The following PDE7B variants were observed in gnomAD, a reference collection of about 807,000 sequenced individuals.
PDE7B encodes phosphodiesterase 7B.
In PDE7B, 29 loss-of-function variants were observed where a neutral mutation model predicts 56.2. The ratio of observed to expected loss-of-function variants is 0.52; its 90% confidence interval spans 0.38 to 0.70. The LOEUF (loss-of-function observed/expected upper bound fraction) is 0.70, where lower values mean the gene tolerates loss of function less well. PDE7B is among the 30% of genes least tolerant of loss of function. The probability of loss-of-function intolerance (pLI) is 0.00; values close to 1 mark genes in which losing one functional copy is unlikely to be tolerated. For missense variants in PDE7B, 490 were observed against 565.0 expected (o/e 0.87, Z 1.35); for synonymous variants, 197 against 196.9 (o/e 1.00, Z 0.00).
At chr6:135,940,701 G>A (rs1774493138) in intron 1 of PDE7B, among the ~76,000 whole-genome samples, 1 of 152,200 alleles carries the variant, frequency 6.6e-6, no homozygotes, top group East Asian at 1.9e-4. Flanking sequence ...GTTTGGAAAT[G>A]TCATCTCAAT....
chr6:136,002,512 C>T (rs1019381273), intron 2 of PDE7B, among the ~76,000 whole-genome samples: 3 of 152,026 alleles, frequency 2.0e-5, no homozygotes, highest in African/African-American at 7.2e-5. Flanking sequence ...GAAGATCTAC[C>T]AAGCAAATGG....
At chr6:136,191,166 G>A (rs1779218786) in intron 12 of PDE7B, among the ~76,000 whole-genome samples, 1 of 152,052 alleles carries the variant, frequency 6.6e-6, no homozygotes, top group Non-Finnish European at 1.5e-5. Flanking sequence ...TACGAGTTTA[G>A]TATTCTCTTT....
intron 2 of PDE7B, among the ~76,000 whole-genome samples, chr6:136,025,199 C>T (rs941672940): frequency 4.6e-5 from 7 of 152,200 alleles, no homozygotes; most frequent in Admixed American, 6.5e-5. Flanking sequence ...ATTCAGCATG[C>T]ACTGTGATTT....
intron 1 of PDE7B, among the ~76,000 whole-genome samples, chr6:135,935,190 T>TTATATATATATATATATAAATATATATA (rs1774396280): frequency 2.8e-5 from 1 of 36,192 alleles, no homozygotes; most frequent in Non-Finnish European, 4.6e-5. Context: ...ATATATTTAT[T>TTATATATATATATATATAAATATATATA]TATATATATA....
intron 6 of PDE7B, 63 bp from the exon 7 acceptor site, chr6:136,154,012 T>A (rs553889127): frequency 2.8e-6 from 3 of 1,072,936 alleles, no homozygotes; most frequent in African/African-American, 3.1e-5. Flanking sequence ...CCACAGTAAG[T>A]CTAAGCTAGT....
Position 135,859,953 on chromosome 6 carries a change from C to T in PDE7B, c.21+7934C>T, listed in dbSNP as rs888060070. 2.0e-5 allele frequency among the ~76,000 whole-genome samples: 3 copies of T among 151,740 alleles called. No homozygotes were observed. The South Asian group carries it at 6.2e-4, about 32-fold the overall frequency. On this transcript the variant is annotated intron_variant, in intron 1 of 12. Transcript: ENST00000308191. ...AAAAAATGAGGATTCCATTTTTTTT[C>T]CAGGAGCATTGAACTTGTAACCTAA...
At chr6:136,123,633 A>AT (rs1272826800) in intron 3 of PDE7B, among the ~76,000 whole-genome samples, 2 of 152,244 alleles carry the variant, frequency 1.3e-5, no homozygotes, top group Non-Finnish European at 2.9e-5. Context: ...TTATAGCATA[A>AT]TCAAAAACTC....
intron 2 of PDE7B, among the ~76,000 whole-genome samples, chr6:136,038,823 G>T (rs1399427151): frequency 6.6e-6 from 1 of 152,322 alleles, no homozygotes; most frequent in East Asian, 1.9e-4. Context: ...CCACCAAGGA[G>T]GGGGTGGAAT....
intron 1 of PDE7B, among the ~76,000 whole-genome samples, chr6:135,882,636 A>G (rs1049512735): frequency 6.6e-6 from 1 of 152,216 alleles, no homozygotes; most frequent in Non-Finnish European, 1.5e-5. Context: ...TCACTTCTCA[A>G]AGAAAATAAA....
chr6:136,057,300 T>A (rs537671483), intron 2 of PDE7B, among the ~76,000 whole-genome samples: 133 of 152,314 alleles, frequency 8.7e-4, no homozygotes, highest in Non-Finnish European at 1.4e-3. Context: ...TTACTCTGAG[T>A]GATAAATAGT....
intron 2 of PDE7B, chr6:136,038,185 T>A: frequency 1.6e-6 from 2 of 1,285,642 alleles, no homozygotes; most frequent in Non-Finnish European, 1.0e-6. Flanking sequence ...TCCCCTGTGG[T>A]AGCAGCAGCA....
intron 1 of PDE7B, among the ~76,000 whole-genome samples, chr6:135,930,290 T>G (rs1774272495): frequency 6.6e-6 from 1 of 152,110 alleles, no homozygotes; most frequent in Admixed American, 6.5e-5. Context: ...GGCCCCATGA[T>G]TCAGTTATCT....
intron 2 of PDE7B, 52 bp from the exon 3 acceptor site, chr6:136,108,679 G>T: frequency 8.6e-7 from 1 of 1,159,282 alleles, no homozygotes; most frequent in Non-Finnish European, 1.3e-6. Flanking sequence ...GGGGAAAAGT[G>T]AATGCACGTG....
Position 136,127,902 on chromosome 6 carries a change from A to C in PDE7B, c.166+19088A>C, listed in dbSNP as rs79836095. ...AAAACTTTCCAGGATGAAAGACCTT[A>C]AACTTAGCTTAACTTCTGAACTTTT... On this transcript the variant is annotated intron_variant, in intron 3 of 12. Coordinates refer to ENST00000308191, the MANE Select transcript of PDE7B (RefSeq NM_018945.4). Among the ~76,000 whole-genome samples the C allele has an allele frequency of 5.2e-3, 796 of 152,358 alleles. 43 individuals are homozygous for C. The East Asian group carries it at 0.12, about 22-fold the overall frequency.
At chr6:136,008,689 G>T (rs1353091702) in intron 2 of PDE7B, among the ~76,000 whole-genome samples, 3 of 151,982 alleles carry the variant, frequency 2.0e-5, no homozygotes, top group East Asian at 1.9e-4. Flanking sequence ...TTGTTTGTTT[G>T]TTTCTTGTAA....
chr6:135,878,834 G>C (rs1301007526), intron 1 of PDE7B, among the ~76,000 whole-genome samples: 1 of 152,112 alleles, frequency 6.6e-6, no homozygotes, highest in Non-Finnish European at 1.5e-5. Context: ...TTAATTATTA[G>C]AGAAGGCAAA....
chr6:136,131,582 C>G (rs1778119406), intron 3 of PDE7B, among the ~76,000 whole-genome samples: 1 of 147,574 alleles, frequency 6.8e-6, no homozygotes, highest in Non-Finnish European at 1.5e-5. Context: ...CTGCTCCACT[C>G]TATGTACACA....
chr6:136,170,695 T>G (rs942821064), intron 8 of PDE7B, among the ~76,000 whole-genome samples: 1 of 152,334 alleles, frequency 6.6e-6, no homozygotes, highest in South Asian at 2.1e-4. Flanking sequence ...TAGAGGGGGC[T>G]GTACCTTGGT....
At chr6:136,174,719 T>C (rs1322086735) in intron 9 of PDE7B, among the ~76,000 whole-genome samples, 1 of 152,158 alleles carries the variant, frequency 6.6e-6, no homozygotes, top group African/African-American at 2.4e-5. Context: ...CTCTGGGTTG[T>C]GGATTGATTC....
Sources: gnomAD v4.1 joint callset for allele counts (sites outside exome capture counted in the v4.1 genomes callset) on GRCh38, gnomAD v4.1.1 for gene constraint, MANE v1.5 for transcripts, NCBI Gene and HGNC (gene_info 2026-07-23, HGNC 2026-07-21) for gene names.